The following LRGUK variants were observed in gnomAD, a reference collection of about 807,000 sequenced individuals.
The protein encoded by LRGUK is leucine rich repeats and guanylate kinase domain containing.
LRGUK carries 65 observed loss-of-function variants against 76.0 expected under a neutral mutation model. That is an observed-to-expected ratio of 0.85 (90% CI 0.70 to 1.05). The LOEUF is 1.05. Among genes scored for constraint, LRGUK ranks in the 50% least tolerant of loss-of-function variants. The pLI, the probability that LRGUK is intolerant of heterozygous loss-of-function variation, is 0.00. For missense variants in LRGUK, 758 were observed against 732.8 expected, an observed-to-expected ratio of 1.03 and a Z score of -0.40; for synonymous variants, 268 against 265.6, an observed-to-expected ratio of 1.01 and a Z score of -0.09.
intron 16 of LRGUK, among the ~76,000 whole-genome samples, chr7:134,240,009 TAACA>T: frequency 6.6e-6 from 1 of 152,228 alleles, no homozygotes; most frequent in East Asian, 1.9e-4. Flanking sequence ...GAAGGAAAAC[TAACA>T]AACAGAAAGG....
intron 8 of LRGUK, among the ~76,000 whole-genome samples, chr7:134,176,368 C>T (rs938563895): frequency 1.3e-5 from 2 of 152,062 alleles, no homozygotes; most frequent in African/African-American, 2.4e-5. Context: ...ACATGTATCC[C>T]AGAACTTAAA....
At chr7:134,169,567 C>T (rs938306300) in intron 7 of LRGUK, among the ~76,000 whole-genome samples, 20 of 152,208 alleles carry the variant, frequency 1.3e-4, no homozygotes, top group Admixed American at 1.2e-3. Context: ...TTTCTCTATA[C>T]CCTAAGGTTT....
At chr7:134,161,730 G>A (rs1231964000) in intron 6 of LRGUK, among the ~76,000 whole-genome samples, 2 of 125,368 alleles carry the variant, frequency 1.6e-5, no homozygotes, top group Admixed American at 2.0e-4. Flanking sequence ...TCGCTCTGTT[G>A]CCCAGGCTGG....
chr7:134,136,835 A>C (rs1797559654), intron 1 of LRGUK, among the ~76,000 whole-genome samples, 188 bp from the exon 2 acceptor site: 1 of 152,244 alleles, frequency 6.6e-6, no homozygotes, highest in Admixed American at 6.5e-5. Flanking sequence ...TTGATTTGGC[A>C]GATAGTTATT....
At chr7:134,213,610 G>A (rs1049212121), downstream of LRGUK, among the ~76,000 whole-genome samples, 6 of 152,160 alleles carry the variant, frequency 3.9e-5, no homozygotes, top group African/African-American at 1.4e-4. Flanking sequence ...ATTTGGGGTT[G>A]CATTTCCATT....
downstream of LRGUK, among the ~76,000 whole-genome samples, chr7:134,268,980 C>G (rs1394468874): frequency 6.6e-6 from 1 of 151,968 alleles, no homozygotes; most frequent in African/African-American, 2.4e-5. Context: ...ATCCTCCCGT[C>G]TCAGCCTCCC....
intron 9 of LRGUK, among the ~76,000 whole-genome samples, chr7:134,177,991 A>T (rs1251297523): frequency 1.3e-5 from 2 of 152,226 alleles, no homozygotes; most frequent in Non-Finnish European, 2.9e-5. Context: ...ATATCCTTGA[A>T]TGAACAAAGT....
chr7:134,158,018 G>T lies in LRGUK; in HGVS notation c.671-17G>T. ...GCTTTTAATAACATTTTCCTTAAAC[G>T]TAGTCATGGTGTATAGGCAATGAGA... On this transcript the variant is annotated splice_polypyrimidine_tract_variant and intron_variant, in intron 5 of 15. Transcript: ENST00000645682. The T allele has an allele frequency of 1.9e-6, 3 of 1,585,750 alleles. No homozygotes were observed. Among genetic ancestry groups the T allele is most frequent in the Non-Finnish European group, 2.6e-6 (3 of 1,160,146 alleles).
chr7:134,231,011 AG>A (rs1285615055), intron 16 of LRGUK, among the ~76,000 whole-genome samples: 2 of 152,206 alleles, frequency 1.3e-5, no homozygotes, highest in Non-Finnish European at 2.9e-5. Flanking sequence ...GACAAGCTGC[AG>A]TGAGTTAGCA....
intron 2 of LRGUK, among the ~76,000 whole-genome samples, chr7:134,139,145 T>C (rs1245341878): frequency 6.8e-6 from 1 of 147,140 alleles, no homozygotes. Flanking sequence ...AAAAAAAGAC[T>C]CTGTTCTAAC....
At chr7:134,179,052 G>A (rs417551) in intron 10 of LRGUK, among the ~76,000 whole-genome samples, 151,239 of 152,186 alleles carry the variant, frequency 0.99, 75,161 homozygotes, top group Middle Eastern at 1. Flanking sequence ...GCTGTGAGTG[G>A]AAGCTAAATA....
chr7:134,155,685 G>A (rs1390439667), intron 5 of LRGUK, among the ~76,000 whole-genome samples: 3 of 152,110 alleles, frequency 2.0e-5, no homozygotes, highest in Non-Finnish European at 2.9e-5. Context: ...CTTTATAATT[G>A]TGAGGTGATT....
chr7:134,274,015 G>A, the LRGUK span, among the ~76,000 whole-genome samples: 13 of 152,140 alleles, frequency 8.5e-5, no homozygotes, highest in Admixed American at 4.6e-4. Flanking sequence ...GTTTGGTTGT[G>A]TATACACATC....
In LRGUK at chr7:134,132,215, C is replaced by T. The variant is rs557813381; in HGVS notation, c.297+4551C>T. 3.3e-5 allele frequency among the ~76,000 whole-genome samples: 5 copies of T among 152,164 alleles called. No individual in the cohort carries two copies. The South Asian group carries it at 1.0e-3, about 32-fold the overall frequency. On this transcript the variant is annotated intron_variant, in intron 1 of 15. Coordinates refer to ENST00000645682, the Ensembl canonical transcript of LRGUK. ...ATTTTTAAAAAATTAGCCGACCAGC[C>T]ATAGTGGTATGCACCTGTAGTCCCA...
intron 16 of LRGUK, among the ~76,000 whole-genome samples, chr7:134,230,485 G>C (rs1345310895): frequency 6.6e-6 from 1 of 152,164 alleles, no homozygotes; most frequent in Non-Finnish European, 1.5e-5. Flanking sequence ...TGGTATTCTT[G>C]TGTATATACC....
intron 18 of LRGUK, among the ~76,000 whole-genome samples, chr7:134,252,438 A>T (rs1042886689): frequency 6.6e-6 from 1 of 152,226 alleles, no homozygotes; most frequent in Non-Finnish European, 1.5e-5. Flanking sequence ...AAAAGAAGAC[A>T]GTCCCAAGAA....
At chr7:134,127,701 C>A (rs777543427) in intron 1 of LRGUK, 37 bp downstream of exon 1, 1 of 1,579,494 alleles carries the variant, frequency 6.3e-7, no homozygotes, top group South Asian at 1.2e-5. Context: ...CCCTGGCTCC[C>A]TCGTCCAGCC....
chr7:134,154,120 T>G (rs1309315705), intron 5 of LRGUK, among the ~76,000 whole-genome samples: 1 of 152,244 alleles, frequency 6.6e-6, no homozygotes, highest in African/African-American at 2.4e-5. Flanking sequence ...TTAAAAGATT[T>G]ATTCACAGAA....
At chr7:134,178,375 G>A in intron 9 of LRGUK, 128 bp from the exon 10 acceptor site, 1 of 576,090 alleles carries the variant, frequency 1.7e-6, no homozygotes, top group Non-Finnish European at 3.0e-6. Context: ...ATGTTAATGG[G>A]TGTGTGTTAA....
Sources: gnomAD v4.1 joint callset for allele counts (sites outside exome capture counted in the v4.1 genomes callset) on GRCh38, gnomAD v4.1.1 for gene constraint, MANE v1.5 for transcripts, NCBI Gene and HGNC (gene_info 2026-07-23, HGNC 2026-07-21) for gene names.